Variants in REDIC1 observed in about 807,000 individuals in gnomAD.
REDIC1 encodes the protein HEI10 Interacting Protein 1.
chr12:39,872,044 T>C, the REDIC1 span: 1 of 1,238,844 alleles, frequency 8.1e-7, no homozygotes, highest in Non-Finnish European at 1.1e-6. Context: ...ATGTATTCAA[T>C]TTGAAAAAAA....
At chr12:39,769,604 C>T in the REDIC1 span, among the ~76,000 whole-genome samples, 2 of 152,002 alleles carry the variant, frequency 1.3e-5, no homozygotes, top group Admixed American at 1.3e-4. Flanking sequence ...CTGAGGACTG[C>T]CCTTCTTATC....
the REDIC1 span, among the ~76,000 whole-genome samples, chr12:39,859,293 A>T: frequency 6.7e-6 from 1 of 150,086 alleles, no homozygotes; most frequent in Admixed American, 6.7e-5. Flanking sequence ...ACCAAAAAAA[A>T]AGAAAAAGAA....
At chr12:39,697,884 TAGC>T in the REDIC1 span, among the ~76,000 whole-genome samples, 1 of 152,004 alleles carries the variant, frequency 6.6e-6, no homozygotes, top group Non-Finnish European at 1.5e-5. Flanking sequence ...GATAACAAAA[TAGC>T]AGCAGTAAGT....
chr12:39,841,715 G>A, the REDIC1 span, among the ~76,000 whole-genome samples: 1 of 151,840 alleles, frequency 6.6e-6, no homozygotes, highest in African/African-American at 2.4e-5. Context: ...AATCTAATTA[G>A]TGTGCAACAT....
chr12:39,681,553 T>C, the REDIC1 span, among the ~76,000 whole-genome samples: 1 of 152,248 alleles, frequency 6.6e-6, no homozygotes, highest in Non-Finnish European at 1.5e-5. Context: ...GAGTAACAGA[T>C]ATTTTCCTCA....
the REDIC1 span, among the ~76,000 whole-genome samples, chr12:39,664,940 T>G: frequency 6.6e-6 from 1 of 152,204 alleles, no homozygotes; most frequent in Non-Finnish European, 1.5e-5. Context: ...TCTTGTAAAT[T>G]TTTTGGAGTT....
chr12:39,736,375 C>A, the REDIC1 span, among the ~76,000 whole-genome samples: 1 of 152,190 alleles, frequency 6.6e-6, no homozygotes, highest in Admixed American at 6.5e-5. Context: ...CTCTTTCATT[C>A]ACCAGGTCTT....
the REDIC1 span, among the ~76,000 whole-genome samples, chr12:39,874,616 A>C: frequency 4.2e-5 from 1 of 23,980 alleles, no homozygotes; most frequent in Non-Finnish European, 7.5e-5. Flanking sequence ...ACTCCATCTC[A>C]AAAAAAAAAA....
At chr12:39,725,892 C>T in the REDIC1 span, among the ~76,000 whole-genome samples, 1 of 151,898 alleles carries the variant, frequency 6.6e-6, no homozygotes, top group African/African-American at 2.4e-5. Context: ...TGTGTGTGTT[C>T]ATTTTGTGTA....
chr12:39,676,591 A>C, the REDIC1 span, among the ~76,000 whole-genome samples: 1 of 152,194 alleles, frequency 6.6e-6, no homozygotes, highest in Non-Finnish European at 1.5e-5. Context: ...ATTCAAATAC[A>C]AGAAGCTCAA....
the REDIC1 span, among the ~76,000 whole-genome samples, chr12:39,664,360 A>G: frequency 6.6e-6 from 1 of 151,932 alleles, no homozygotes; most frequent in Middle Eastern, 3.2e-3. Flanking sequence ...TTTGCTGAGA[A>G]TGATGGTTTC....
the REDIC1 span, among the ~76,000 whole-genome samples, chr12:39,891,223 T>G: frequency 6.6e-6 from 1 of 150,902 alleles, no homozygotes; most frequent in Non-Finnish European, 1.5e-5. Context: ...ATTTCCAACC[T>G]TCTGCTGAGC....
At chr12:39,706,134 A>C in the REDIC1 span, among the ~76,000 whole-genome samples, 1 of 152,112 alleles carries the variant, frequency 6.6e-6, no homozygotes, top group South Asian at 2.1e-4. Flanking sequence ...AGGCAAAATC[A>C]ACATGCAAAA....
At chr12:39,866,567 C>T in the REDIC1 span, among the ~76,000 whole-genome samples, 3 of 152,036 alleles carry the variant, frequency 2.0e-5, no homozygotes, top group African/African-American at 7.2e-5. Flanking sequence ...CAGGCTCCGC[C>T]CCCCGGGGTT....
the REDIC1 span, among the ~76,000 whole-genome samples, chr12:39,748,063 A>AT: frequency 6.6e-6 from 1 of 152,174 alleles, no homozygotes; most frequent in African/African-American, 2.4e-5. Flanking sequence ...ACAGGATCAA[A>AT]TTCACACATA....
the REDIC1 span, among the ~76,000 whole-genome samples, chr12:39,880,056 T>G: frequency 2.1e-4 from 32 of 152,248 alleles, no homozygotes; most frequent in East Asian, 3.9e-4. Flanking sequence ...TCTCTCTCTC[T>G]CGCGCTTGCT....
the REDIC1 span, among the ~76,000 whole-genome samples, chr12:39,713,153 A>T: frequency 9.3e-5 from 14 of 150,290 alleles, 2 homozygotes; most frequent in Non-Finnish European, 1.8e-4. Context: ...AGATATGTGC[A>T]TATACACACG....
the REDIC1 span, among the ~76,000 whole-genome samples, chr12:39,708,830 G>A: frequency 2.3e-4 from 35 of 151,494 alleles, no homozygotes; most frequent in African/African-American, 7.3e-4. Flanking sequence ...TTTTTAAAAA[G>A]TTTTTTCCTG....
chr12:39,654,678 A>G, the REDIC1 span, among the ~76,000 whole-genome samples: 2 of 151,204 alleles, frequency 1.3e-5, no homozygotes, highest in South Asian at 2.1e-4. Context: ...TTGTGTCTAT[A>G]TTTATGAAGA....
Sources: gnomAD v4.1 joint callset for allele counts (sites outside exome capture counted in the v4.1 genomes callset) on GRCh38, gnomAD v4.1.1 for gene constraint, MANE v1.5 for transcripts, NCBI Gene and HGNC (gene_info 2026-07-23, HGNC 2026-07-21) for gene names.